Variants in PPP1R12A observed in about 807,000 individuals in gnomAD.
The protein encoded by PPP1R12A is protein phosphatase 1 regulatory subunit 12A.
A neutral mutation model predicts 139.6 loss-of-function variants in PPP1R12A; 19 were observed. The ratio of observed to expected loss-of-function variants is 0.14; its 90% CI spans 0.09 to 0.20. The LOEUF is 0.20. PPP1R12A is among the 10% of genes least tolerant of loss of function. PPP1R12A has a pLI of 1.00. For missense variants in PPP1R12A, 925 were observed against 1,211.5 expected (o/e 0.76, Z 3.51); for synonymous variants, 427 against 420.6 (o/e 1.02, Z -0.19).
At chr12:79,802,398 G>C (rs1873297157) in intron 14 of PPP1R12A, among the ~76,000 whole-genome samples, 1 of 152,112 alleles carries the variant, frequency 6.6e-6, no homozygotes, top group Non-Finnish European at 1.5e-5. Flanking sequence ...CTGGCCCTAT[G>C]CAAGTTATTA....
In PPP1R12A at chr12:79,826,129, C is replaced by T. The variant is rs114641253; in HGVS notation, c.792+2191G>A. On this transcript the variant is annotated intron_variant, in intron 5 of 24. Transcript: ENST00000450142. ...AAAAGAAAAGATGAGGAAACTAAAA[C>T]GAAAAGAAGTTATAGAGGAACTTAG... is the stretch of plus-strand genomic sequence containing the variant. Among the ~76,000 whole-genome samples the T allele has an allele frequency of 5.4e-3, 823 of 151,684 alleles. 5 individuals carry two copies. Among genetic ancestry groups the T allele is most frequent in the African/African-American group, 0.019 (782 of 41,406 alleles).
Position 79,791,413 on chromosome 12 carries a change from G to T in PPP1R12A, c.2650-930C>A, listed in dbSNP as rs553047902. Among the ~76,000 whole-genome samples, 34 of 152,122 alleles carry T rather than the reference G, an allele frequency of 2.2e-4. 1 individual carries two copies. The South Asian group carries it at 7.1e-3, about 32-fold the overall frequency. On this transcript the variant is annotated intron_variant, in intron 19 of 24. Transcript: ENST00000450142. The stretch of plus-strand genomic sequence containing the variant: ...TATGATCACAGCTCACTACAGCCTC[G>T]ACCTCCTGGCCCAACTGATCCTTCT...
At chr12:79,896,510 T>C (rs1885146180) in intron 1 of PPP1R12A, among the ~76,000 whole-genome samples, 1 of 152,078 alleles carries the variant, frequency 6.6e-6, no homozygotes, top group Non-Finnish European at 1.5e-5. Flanking sequence ...TTTTGTATTT[T>C]TTTGTAGAGA....
chr12:79,780,830 G>A (rs1414491098), intron 23 of PPP1R12A: 2 of 152,010 alleles, frequency 1.3e-5, no homozygotes, highest in Non-Finnish European at 1.5e-5. Flanking sequence ...TTTAAAACTT[G>A]CAGAAAGCAT....
chr12:79,892,445 T>C (rs1310898501), intron 1 of PPP1R12A, among the ~76,000 whole-genome samples: 1 of 152,210 alleles, frequency 6.6e-6, no homozygotes, highest in Non-Finnish European at 1.5e-5. Flanking sequence ...AAATTATTAT[T>C]CGTTTAATAT....
chr12:79,799,571 G>A lies in PPP1R12A; in HGVS notation c.2001-987C>T, dbSNP rs572990049. On this transcript the variant is annotated intron_variant, in intron 14 of 24. Coordinates refer to ENST00000450142, the MANE Select transcript of PPP1R12A (RefSeq NM_002480.3). ...TTATATATAAACAGCTTTTAAATCA[G>A]CATGTTACTTCTAAGTAACTGATTT... 1.8e-4 allele frequency among the ~76,000 whole-genome samples: 28 copies of A among 152,178 alleles called. 1 individual carries two copies. In the South Asian group the frequency reaches 5.6e-3, roughly 30 times the overall value.
intron 2 of PPP1R12A, among the ~76,000 whole-genome samples, chr12:79,856,224 T>C (rs564153228): frequency 1.7e-4 from 26 of 152,156 alleles, no homozygotes; most frequent in Non-Finnish European, 3.8e-4. Context: ...TACAAATCCT[T>C]TACGTTGTAA....
chr12:79,823,907 A>G (rs1015856833), intron 5 of PPP1R12A: 2 of 152,202 alleles, frequency 1.3e-5, no homozygotes, highest in Non-Finnish European at 2.9e-5. Flanking sequence ...AATATCTTCA[A>G]AGTATATAAA....
rs763118697 is a variant in PPP1R12A at position 79,788,750 on chromosome 12, T to C, written c.2700A>G (p.Arg900=). ...CAGAGCGACCCAGCAAGGAATCATATCGATCACCAGCTGATGTAGAACTGG... is the reference window on the plus strand; with the variant it reads ...CAGAGCGACCCAGCAAGGAATCATACCGATCACCAGCTGATGTAGAACTGG... ...YETSSTSAGD[R]YDSLLGRSGS... The change falls in exon 21 of 25, where the codon CGA becomes CGG. Residue 900 remains arginine (R), a synonymous_variant. Coordinates refer to ENST00000450142, the MANE Select transcript of PPP1R12A (RefSeq NM_002480.3). 695 of 1,612,024 alleles carry C rather than the reference T, an allele frequency of 4.3e-4. No homozygotes were observed. The highest frequency in any genetic ancestry group is 5.8e-4 in the Non-Finnish European group (681 of 1,178,974).
intron 2 of PPP1R12A, among the ~76,000 whole-genome samples, chr12:79,854,302 T>C (rs1880380141): frequency 6.6e-6 from 1 of 152,222 alleles, no homozygotes; most frequent in African/African-American, 2.4e-5. Context: ...GTATTTATGA[T>C]GTTACAACAA....
intron 1 of PPP1R12A, among the ~76,000 whole-genome samples, chr12:79,927,422 G>A (rs1887928010): frequency 6.6e-6 from 1 of 152,136 alleles, no homozygotes; most frequent in African/African-American, 2.4e-5. Context: ...TTTAGATACA[G>A]TACTACTGCA....
At chr12:79,864,349 G>C (rs2137296609) in intron 2 of PPP1R12A, among the ~76,000 whole-genome samples, 1 of 152,234 alleles carries the variant, frequency 6.6e-6, no homozygotes, top group South Asian at 2.1e-4. Context: ...AGTGTATACA[G>C]GGAAATTTAT....
intron 10 of PPP1R12A, among the ~76,000 whole-genome samples, chr12:79,809,055 A>G (rs1874203413): frequency 6.6e-6 from 1 of 152,126 alleles, no homozygotes; most frequent in Non-Finnish European, 1.5e-5. Flanking sequence ...TATGGCTAAG[A>G]GTGTGTAGTG....
chr12:79,869,294 T>C (rs1353340173), intron 2 of PPP1R12A, among the ~76,000 whole-genome samples: 2 of 152,248 alleles, frequency 1.3e-5, no homozygotes, highest in Non-Finnish European at 2.9e-5. Flanking sequence ...TCTGACATTC[T>C]TTGTTCTACT....
At chr12:79,791,675 A>G (rs902564786) in intron 19 of PPP1R12A, among the ~76,000 whole-genome samples, 11 of 152,248 alleles carry the variant, frequency 7.2e-5, no homozygotes, top group African/African-American at 2.4e-4. Context: ...ACCACGTAAT[A>G]TAAAATTTAC....
Position 79,872,825 on chromosome 12 carries a change from T to G in PPP1R12A, c.351A>C (p.Gly117=). 6.2e-7 allele frequency: 1 copy of G among 1,613,598 alleles called. No homozygotes were observed. The highest frequency in any genetic ancestry group is 8.5e-7 in the Non-Finnish European group (1 of 1,179,708). Residue 117 remains glycine, a synonymous_variant, in exon 2 of 25, where the codon GGA becomes GGC. Transcript: ENST00000450142. The part of the protein sequence containing the change: ...WIPLHAAASC[G]YLDIAEFLIG... ...TGGCTTACTCTGCAATATCAAGATA[T>G]CCACAGGAAGCTGCTGCATGTAGTG...
chr12:79,776,905 C>G (rs1869796184), intron 24 of PPP1R12A, among the ~76,000 whole-genome samples: 1 of 152,070 alleles, frequency 6.6e-6, no homozygotes, highest in Admixed American at 6.6e-5. Flanking sequence ...ATTAGTTTAT[C>G]TAACTTGATA....
At chr12:79,909,391 G>A (rs1218002105) in intron 1 of PPP1R12A, among the ~76,000 whole-genome samples, 2 of 152,134 alleles carry the variant, frequency 1.3e-5, no homozygotes, top group Non-Finnish European at 2.9e-5. Flanking sequence ...TGAAGACTCA[G>A]ATATTAATTC....
intron 3 of PPP1R12A, among the ~76,000 whole-genome samples, chr12:79,843,105 G>T (rs66512226): frequency 6.6e-6 from 1 of 151,944 alleles, no homozygotes; most frequent in Admixed American, 6.5e-5. Context: ...ATGCTGTAGC[G>T]TATGTTTGAT....
Sources: gnomAD v4.1 joint callset for allele counts (sites outside exome capture counted in the v4.1 genomes callset) on GRCh38, gnomAD v4.1.1 for gene constraint, MANE v1.5 for transcripts, NCBI Gene and HGNC (gene_info 2026-07-23, HGNC 2026-07-21) for gene names.